The following LRBA variants were observed in gnomAD, a reference collection of about 807,000 sequenced individuals.
LRBA encodes the protein LPS responsive beige-like anchor protein.
Under a neutral mutation model 330.0 loss-of-function variants are expected in LRBA, and 176 were observed. The ratio of observed to expected loss-of-function variants is 0.53; its 90% CI spans 0.47 to 0.60. The LOEUF (loss-of-function observed/expected upper bound fraction) is 0.60, where lower values mean the gene tolerates loss of function less well. Among genes scored for constraint, LRBA ranks in the 20% least tolerant of loss-of-function variants. The probability of loss-of-function intolerance (pLI) is 0.00; values close to 1 mark genes in which losing one functional copy is unlikely to be tolerated. For missense variants in LRBA, 3,259 were observed against 3,444.8 expected, an observed-to-expected ratio of 0.95 and a Z score of 1.35; for synonymous variants, 1,230 against 1,193.0, an observed-to-expected ratio of 1.03 and a Z score of -0.64.
At chr4:150,857,348 A>G (rs1175251880) in intron 22 of LRBA, among the ~76,000 whole-genome samples, 1 of 152,188 alleles carries the variant, frequency 6.6e-6, no homozygotes, top group Non-Finnish European at 1.5e-5. Flanking sequence ...GAGCAATTCT[A>G]AAGGTTGGTA....
chr4:150,655,810 A>C (rs564726827), intron 37 of LRBA, among the ~76,000 whole-genome samples: 1 of 152,376 alleles, frequency 6.6e-6, no homozygotes, highest in Admixed American at 6.5e-5. Flanking sequence ...TATGATTTTA[A>C]AATACCAAAT....
chr4:150,930,106 G>C (rs1018511980), intron 2 of LRBA, among the ~76,000 whole-genome samples: 10 of 152,000 alleles, frequency 6.6e-5, no homozygotes, highest in Non-Finnish European at 7.4e-5. Flanking sequence ...CCTGAGGTCA[G>C]GAGTTCAAGA....
At chr4:150,492,737 G>C (rs1171654183) in intron 40 of LRBA, among the ~76,000 whole-genome samples, 1 of 151,884 alleles carries the variant, frequency 6.6e-6, no homozygotes, top group African/African-American at 2.4e-5. Flanking sequence ...CTCATATCTG[G>C]GACTGTCAGA....
In LRBA at chr4:150,584,973, AAG is replaced by A. The variant is rs551275243; in HGVS notation, c.6330+3073_6330+3074del. Among the ~76,000 whole-genome samples the A allele has an allele frequency of 1.6e-3, 242 of 152,338 alleles. 1 individual carries two copies. Among genetic ancestry groups the A allele is most frequent in the Admixed American group, 3.7e-3 (56 of 15,304 alleles). On this transcript the variant is annotated intron_variant, in intron 40 of 56. Coordinates refer to ENST00000651943, the MANE Select transcript of LRBA (RefSeq NM_001364905.1). ...CTTCACGCTTGGGAAAAAAGTATGA[AAG>A]AAAATATTTTGATCCTAATTTTTAA...
At chr4:150,732,603 T>C (rs570323889) in intron 36 of LRBA, among the ~76,000 whole-genome samples, 17 of 152,206 alleles carry the variant, frequency 1.1e-4, no homozygotes, top group African/African-American at 4.1e-4. Flanking sequence ...ATTGATATCA[T>C]CTGAGTTTCT....
intron 13 of LRBA, among the ~76,000 whole-genome samples, chr4:150,900,683 T>C (rs1370572532): frequency 6.6e-6 from 1 of 151,728 alleles, no homozygotes; most frequent in Non-Finnish European, 1.5e-5. Flanking sequence ...AAAAAATAAA[T>C]AGAACAAAAC....
intron 35 of LRBA, among the ~76,000 whole-genome samples, chr4:150,738,783 T>C (rs2127154796): frequency 6.6e-6 from 1 of 151,904 alleles, no homozygotes; most frequent in South Asian, 2.1e-4. Flanking sequence ...ACTAAAGTTA[T>C]TTAAAATAAT....
intron 44 of LRBA, among the ~76,000 whole-genome samples, chr4:150,448,907 T>C (rs1188263946): frequency 1.3e-5 from 2 of 151,160 alleles, no homozygotes; most frequent in African/African-American, 2.4e-5. Context: ...TAGATCAATG[T>C]AGAAACACAC....
chr4:150,804,594 A>G (rs1444241054), intron 33 of LRBA, among the ~76,000 whole-genome samples: 2 of 152,192 alleles, frequency 1.3e-5, no homozygotes, highest in African/African-American at 2.4e-5. Context: ...AAAGATTACA[A>G]TAACTAAAGC....
rs1279728661 is a variant in LRBA, at chr4:150,583,497, C to A, written c.6330+4551G>T. 1 of 1,613,794 alleles carries A rather than the reference C, an allele frequency of 6.2e-7. No individual in the cohort carries two copies. Among genetic ancestry groups the A allele is most frequent in the African/African-American group, 1.3e-5 (1 of 74,928 alleles). Reference sequence around the variant, plus strand: ...TGGTCAAGATGATCGCGGACACCAGCGAGGTCAAGTTGCGCATCAGGGAGC... The same window carrying A: ...TGGTCAAGATGATCGCGGACACCAGAGAGGTCAAGTTGCGCATCAGGGAGC... On this transcript the variant is annotated intron_variant, in intron 40 of 56. Transcript: ENST00000651943. The surrounding 1 kb of genome is among the most constrained non-coding windows in gnomAD (Gnocchi z 9.8).
chr4:150,737,930 T>C (rs1731427375), intron 35 of LRBA, among the ~76,000 whole-genome samples: 1 of 151,942 alleles, frequency 6.6e-6, no homozygotes, highest in Non-Finnish European at 1.5e-5. Flanking sequence ...TAAAATGGTA[T>C]GTATATAACC....
At chr4:150,810,750 T>C (rs1189187368) in intron 31 of LRBA, among the ~76,000 whole-genome samples, 4 of 152,080 alleles carry the variant, frequency 2.6e-5, no homozygotes, top group African/African-American at 9.7e-5. Context: ...TATAGGTGGA[T>C]GCCACCACAC....
intron 35 of LRBA, among the ~76,000 whole-genome samples, chr4:150,750,530 A>C (rs529431620): frequency 6.6e-6 from 1 of 152,084 alleles, no homozygotes. Flanking sequence ...GGGTCTTGCT[A>C]TGTTGTCCAG....
At chr4:150,529,733 GA>G (rs33920009) in intron 40 of LRBA, among the ~76,000 whole-genome samples, 41 of 145,536 alleles carry the variant, frequency 2.8e-4, no homozygotes, top group African/African-American at 5.1e-4. Flanking sequence ...AAAAAAAAAA[GA>G]AAAAAAAAAT....
At chr4:150,839,861 A>G (rs925740591) in intron 28 of LRBA, among the ~76,000 whole-genome samples, 1 of 151,898 alleles carries the variant, frequency 6.6e-6, no homozygotes, top group African/African-American at 2.4e-5. Flanking sequence ...CGTTGTGCAC[A>G]TGTACCCTAG....
chr4:150,797,197 G>A (rs928861919), intron 34 of LRBA, among the ~76,000 whole-genome samples: 2 of 151,704 alleles, frequency 1.3e-5, no homozygotes, highest in Admixed American at 1.3e-4. Context: ...TTGGCATATA[G>A]GCACTAAAAC....
chr4:150,894,331 A>T (rs1183631183), intron 16 of LRBA, among the ~76,000 whole-genome samples: 1 of 152,168 alleles, frequency 6.6e-6, no homozygotes, highest in Non-Finnish European at 1.5e-5. Flanking sequence ...CATATACGGT[A>T]TTATCTATTG....
At chr4:150,365,359 A>G (rs1361096197) in intron 47 of LRBA, among the ~76,000 whole-genome samples, 3 of 152,154 alleles carry the variant, frequency 2.0e-5, no homozygotes, top group African/African-American at 7.2e-5. Flanking sequence ...AGAGAATGAT[A>G]CCAATATATT....
intron 38 of LRBA, among the ~76,000 whole-genome samples, chr4:150,592,902 G>A (rs1773065872): frequency 6.6e-6 from 1 of 152,004 alleles, no homozygotes; most frequent in Non-Finnish European, 1.5e-5. Context: ...CAAAGTTGCT[G>A]GGATTACAGG....
Sources: allele counts gnomAD v4.1 joint callset (sites outside exome capture counted in the v4.1 genomes callset), GRCh38; gene constraint gnomAD v4.1.1; non-coding constraint Gnocchi (gnomAD v3.1); transcripts MANE v1.5; gene names NCBI Gene and HGNC (gene_info 2026-07-23, HGNC 2026-07-21).